The following TXLNB variants were observed in gnomAD, a reference collection of about 807,000 sequenced individuals.
The protein encoded by TXLNB is beta-taxilin.
In TXLNB, 37 loss-of-function variants were observed where a neutral mutation model predicts 57.4. The ratio of observed to expected loss-of-function variants is 0.64; its 90% CI spans 0.50 to 0.85. TXLNB has a LOEUF of 0.85. TXLNB is among the 40% of genes least tolerant of loss of function. The pLI, the probability that TXLNB is intolerant of heterozygous loss-of-function variation, is 0.00. For synonymous variants in TXLNB, 302 were observed against 309.6 expected, an observed-to-expected ratio of 0.98 and a Z score of 0.26; for missense variants, 848 against 825.6, an observed-to-expected ratio of 1.03 and a Z score of -0.33.
the TXLNB span, among the ~76,000 whole-genome samples, chr6:139,163,018 A>G: frequency 6.6e-6 from 1 of 151,962 alleles, no homozygotes; most frequent in East Asian, 1.9e-4. Context: ...CTCACTGTCT[A>G]CCTCTGACCT....
chr6:139,305,165 G>T, the TXLNB span, among the ~76,000 whole-genome samples: 1 of 152,040 alleles, frequency 6.6e-6, no homozygotes, highest in East Asian at 1.9e-4. Flanking sequence ...CCTTCTCCTT[G>T]TTCATAACTC....
chr6:139,181,397 A>G, the TXLNB span, among the ~76,000 whole-genome samples: 1 of 152,222 alleles, frequency 6.6e-6, no homozygotes, highest in East Asian at 1.9e-4. Flanking sequence ...TGAAATCTCA[A>G]GTCCTGTGCC....
At chr6:139,272,762 G>A (rs760137573) in intron 3 of TXLNB, among the ~76,000 whole-genome samples, 3 of 152,178 alleles carry the variant, frequency 2.0e-5, no homozygotes, top group Admixed American at 1.3e-4. Flanking sequence ...GGCCAGGCAC[G>A]GTGGCTCATG....
intron 1 of TXLNB, 116 bp from the exon 2 acceptor site, chr6:139,289,029 G>T (rs372421299): frequency 8.1e-6 from 6 of 740,254 alleles, no homozygotes; most frequent in Admixed American, 3.0e-5. Flanking sequence ...AGTCTCTAAC[G>T]TAGAGAAAGG....
chr6:139,321,206 GTGT>G, the TXLNB span, among the ~76,000 whole-genome samples: 1 of 152,180 alleles, frequency 6.6e-6, no homozygotes, highest in South Asian at 2.1e-4. Flanking sequence ...CAAAATTCAG[GTGT>G]TGTAATTCTA....
the TXLNB span, among the ~76,000 whole-genome samples, chr6:139,323,332 G>A: frequency 2.7e-5 from 4 of 150,768 alleles, no homozygotes; most frequent in Non-Finnish European, 5.9e-5. Flanking sequence ...GCCTAGGCTG[G>A]AGTGCAATGG....
rs1373070144 is a variant in TXLNB at position 139,240,802 on chromosome 6, T to C, written c.*1724A>G. On this transcript the variant is annotated 3_prime_UTR_variant, in exon 10 of 10. Coordinates refer to ENST00000358430, the MANE Select transcript of TXLNB (RefSeq NM_153235.4). ...AACTGTATGCAGTTTACAATTCTTG[T>C]AGCATATGGTTGCTGCCTACAAGCA... The C allele has an allele frequency of 6.6e-6, 1 of 152,380 alleles. No individual in the cohort carries two copies. Among genetic ancestry groups the C allele is most frequent in the Non-Finnish European group, 1.5e-5 (1 of 68,042 alleles). The allele number at this position is 152,380 out of a possible 1,614,324, so 9.4% of individuals were successfully genotyped here. A position where few individuals can be genotyped will look rare whatever the true frequency, so the allele number is the denominator to read the frequency against.
rs550350996 is a variant in TXLNB at position 139,279,572 on chromosome 6, T to C, written c.425-2651A>G. ...ACTGACCTCAGTTTTTAAACTTCCATTGGTGTTGTGGGACTAGGGTGCTAT... is the reference window on the plus strand; with the variant it reads ...ACTGACCTCAGTTTTTAAACTTCCACTGGTGTTGTGGGACTAGGGTGCTAT... On this transcript the variant is annotated intron_variant, in intron 2 of 9. Coordinates refer to ENST00000358430, the MANE Select transcript of TXLNB (RefSeq NM_153235.4). 8.5e-5 allele frequency among the ~76,000 whole-genome samples: 13 copies of C among 152,232 alleles called. No homozygotes were observed. In the East Asian group the frequency reaches 1.7e-3, roughly 20 times the overall value.
chr6:139,206,797 G>A, the TXLNB span, among the ~76,000 whole-genome samples: 1 of 152,128 alleles, frequency 6.6e-6, no homozygotes, highest in Admixed American at 6.6e-5. Flanking sequence ...GTAAAGGGGT[G>A]GAAAAAGATA....
At chr6:139,256,583 C>A (rs1246489839) in intron 6 of TXLNB, among the ~76,000 whole-genome samples, 1 of 152,262 alleles carries the variant, frequency 6.6e-6, no homozygotes, top group African/African-American at 2.4e-5. Context: ...CCGCCTCGGC[C>A]TCCCAAAGTG....
chr6:139,242,932 C>T lies in TXLNB; in HGVS notation c.1649G>A (p.Arg550Gln). 1 of 1,614,062 alleles carries T rather than the reference C, an allele frequency of 6.2e-7. No homozygotes were observed. Among genetic ancestry groups the T allele is most frequent in the Non-Finnish European group, 8.5e-7 (1 of 1,179,998 alleles). Reference protein sequence around the residue: ...EPEQPPLIPSRDSESPLPPLT... With the variant: ...EPEQPPLIPSQDSESPLPPLT... Reference sequence around the variant, plus strand: ...GGGAGGCAGGGGACTCTCTGAATCCCGTGAAGGGATCAGAGGGGGTTGCTC... The same window carrying T: ...GGGAGGCAGGGGACTCTCTGAATCCTGTGAAGGGATCAGAGGGGGTTGCTC... The change falls in exon 10 of 10, where the codon CGG becomes CAG. Residue 550 changes from arginine (R) to glutamine (Q), a missense_variant. Arg to Gln is a conservative substitution (Grantham distance 43). Coordinates refer to ENST00000358430, the MANE Select transcript of TXLNB (RefSeq NM_153235.4).
chr6:139,277,585 A>T (rs1488854309), intron 2 of TXLNB, among the ~76,000 whole-genome samples: 1 of 152,156 alleles, frequency 6.6e-6, no homozygotes, highest in Non-Finnish European at 1.5e-5. Flanking sequence ...CCAAGTAAAG[A>T]CATGGAGAGC....
the TXLNB span, among the ~76,000 whole-genome samples, chr6:139,315,860 A>G: frequency 5.4e-3 from 819 of 152,334 alleles, 9 homozygotes; most frequent in African/African-American, 0.018. Context: ...TTTAATCAAC[A>G]GACTTAAAAT....
At chr6:139,166,547 C>G in the TXLNB span, 1 of 1,614,230 alleles carries the variant, frequency 6.2e-7, no homozygotes, top group Non-Finnish European at 8.5e-7. Flanking sequence ...CTGCTCTTGC[C>G]GCTGTGGCCA....
the TXLNB span, among the ~76,000 whole-genome samples, chr6:139,164,048 TCACA>T: frequency 2.8e-5 from 4 of 142,642 alleles, no homozygotes; most frequent in Non-Finnish European, 6.1e-5. Context: ...GCATGGACTC[TCACA>T]CACACACACA....
At chr6:139,314,957 C>T in the TXLNB span, among the ~76,000 whole-genome samples, 7 of 152,192 alleles carry the variant, frequency 4.6e-5, no homozygotes, top group South Asian at 2.1e-4. Flanking sequence ...GCAGAACAAA[C>T]AAATTAGCTA....
At chr6:139,168,194 A>G in the TXLNB span, among the ~76,000 whole-genome samples, 1 of 152,120 alleles carries the variant, frequency 6.6e-6, no homozygotes, top group Non-Finnish European at 1.5e-5. Flanking sequence ...AGCTTTACAT[A>G]TTATCTGTTT....
At chr6:139,270,706 A>T (rs1776740579) in intron 3 of TXLNB, 80 bp from the exon 4 acceptor site, 1 of 1,278,936 alleles carries the variant, frequency 7.8e-7, no homozygotes, top group Non-Finnish European at 1.1e-6. Flanking sequence ...AAACCTAAAG[A>T]TTACTCTGTG....
chr6:139,222,462 A>T, the TXLNB span, among the ~76,000 whole-genome samples: 3 of 152,318 alleles, frequency 2.0e-5, no homozygotes, highest in South Asian at 6.2e-4. Context: ...ATAAATTTTT[A>T]TACACCTAAT....
Sources: gnomAD v4.1 joint callset for allele counts (sites outside exome capture counted in the v4.1 genomes callset) on GRCh38, gnomAD v4.1.1 for gene constraint, MANE v1.5 for transcripts, NCBI Gene and HGNC (gene_info 2026-07-23, HGNC 2026-07-21) for gene names.